The following FNDC3A variants were observed in gnomAD, a reference collection of about 807,000 sequenced individuals.
FNDC3A encodes the protein fibronectin type III domain containing 3A.
FNDC3A carries 32 observed loss-of-function variants against 148.9 expected under a neutral mutation model. The ratio of observed to expected loss-of-function variants is 0.21; its 90% confidence interval spans 0.16 to 0.29. The LOEUF is 0.29. Ranked by LOEUF, FNDC3A falls within the 10% of genes least tolerant of loss-of-function variation. FNDC3A has a pLI of 1.00. For synonymous variants in FNDC3A, 472 were observed against 473.6 expected, an observed-to-expected ratio of 1.00 and a Z score of 0.04; for missense variants, 1,191 against 1,452.8, an observed-to-expected ratio of 0.82 and a Z score of 2.93.
At chr13:49,185,835 C>T in intron 14 of FNDC3A, 129 bp from the exon 15 acceptor site, 1 of 669,316 alleles carries the variant, frequency 1.5e-6, no homozygotes, top group South Asian at 2.0e-5. Flanking sequence ...AAAGAACAAG[C>T]CATTCCAAGC....
At chr13:48,976,440 G>A (rs1015116741) in intron 1 of FNDC3A, among the ~76,000 whole-genome samples, 1 of 152,198 alleles carries the variant, frequency 6.6e-6, no homozygotes, top group African/African-American at 2.4e-5. Context: ...GCCAGGACAC[G>A]CTTGCGGGGG....
rs1181584454 is a variant in FNDC3A at position 49,025,441 on chromosome 13, TTAAC to T, written c.99+19155_99+19158del. Reference sequence around the variant, plus strand: ...AATGTCTGAATAAAATACCTGTTCTTTAACTAGTAAGCATAGTAAGCATTAATTT... The same window carrying T: ...AATGTCTGAATAAAATACCTGTTCTTTAGTAAGCATAGTAAGCATTAATTT... On this transcript the variant is annotated intron_variant, in intron 2 of 25. Transcript: ENST00000492622. Among the ~76,000 whole-genome samples the T allele has an allele frequency of 5.9e-5, 9 of 152,224 alleles. No homozygotes were observed. In the East Asian group the frequency reaches 1.5e-3, roughly 26 times the overall value.
Position 49,152,459 on chromosome 13 carries a change from G to C in FNDC3A, c.977+6524G>C, listed in dbSNP as rs558314464. Among the ~76,000 whole-genome samples, 4 of 151,552 alleles carry C rather than the reference G, an allele frequency of 2.6e-5. No individual in the cohort carries two copies. The South Asian group carries it at 8.4e-4, about 32-fold the overall frequency. Reference sequence around the variant, plus strand: ...ATAAATTTGTTTTAAGTTCTTTGTAGATTCTGGATATTAGCCCTTTGTCAG... The same window carrying C: ...ATAAATTTGTTTTAAGTTCTTTGTACATTCTGGATATTAGCCCTTTGTCAG... On this transcript the variant is annotated intron_variant, in intron 8 of 25. Coordinates refer to ENST00000492622, the MANE Select transcript of FNDC3A (RefSeq NM_001079673.2).
chr13:49,009,643 C>T (rs1952296222), intron 2 of FNDC3A, among the ~76,000 whole-genome samples: 1 of 152,104 alleles, frequency 6.6e-6, no homozygotes, highest in Admixed American at 6.5e-5. Flanking sequence ...ATGTGTGTGC[C>T]CTGTTAGAAC....
intron 1 of FNDC3A, among the ~76,000 whole-genome samples, chr13:48,983,864 T>C (rs1951740069): frequency 1.3e-5 from 2 of 152,024 alleles, no homozygotes; most frequent in African/African-American, 4.8e-5. Flanking sequence ...AGGCAATACA[T>C]TAAGAACAAG....
Position 49,175,518 on chromosome 13 carries a change from T to G in FNDC3A, c.1507T>G (p.Leu503Val), listed in dbSNP as rs772709062. The change falls in exon 13 of 26, where the codon TTA (leucine) becomes GTA (valine). Residue 503 changes from leucine (L) to valine (V), a missense_variant. This residue lies in a region of FNDC3A where 751 missense variants were observed against 944.0 expected (regional missense o/e 0.80). Transcript: ENST00000492622. ...ATCAGATGAAGGAATTTCTTACATT[T>G]TAGAGATGGAGGAAGAAACTTCAGT... ...TPSDEGISYILEMEEETSGYG... is the reference protein window; with the variant it reads ...TPSDEGISYIVEMEEETSGYG... The G allele has an allele frequency of 2.5e-5, 40 of 1,608,528 alleles. No homozygotes were observed. The highest frequency in any genetic ancestry group is 3.2e-5 in the Non-Finnish European group (38 of 1,177,732).
intron 2 of FNDC3A, among the ~76,000 whole-genome samples, chr13:49,042,693 C>G (rs1875031871): frequency 1.3e-5 from 2 of 152,088 alleles, no homozygotes; most frequent in Admixed American, 6.6e-5. Flanking sequence ...GGGAGGATTG[C>G]TTGAGTCAGA....
At chr13:49,037,784 G>C (rs560137459) in intron 2 of FNDC3A, among the ~76,000 whole-genome samples, 3 of 152,300 alleles carry the variant, frequency 2.0e-5, no homozygotes, top group African/African-American at 7.2e-5. Flanking sequence ...ATGGGCAGGT[G>C]CAGGAGCCAG....
At chr13:49,096,400 A>C (rs1180249752) in intron 3 of FNDC3A, among the ~76,000 whole-genome samples, 1 of 152,144 alleles carries the variant, frequency 6.6e-6, no homozygotes, top group Non-Finnish European at 1.5e-5. Flanking sequence ...TCCAGTTTCC[A>C]TTCTTTATGG....
At chr13:49,170,606 T>C (rs1307433766) in intron 10 of FNDC3A, among the ~76,000 whole-genome samples, 1 of 152,174 alleles carries the variant, frequency 6.6e-6, no homozygotes, top group Non-Finnish European at 1.5e-5. Context: ...GGAACACTGA[T>C]TTTTGTGGGC....
At chr13:49,168,869 A>G (rs2138047626) in intron 10 of FNDC3A, 118 bp downstream of exon 10, 2 of 898,266 alleles carry the variant, frequency 2.2e-6, no homozygotes, top group East Asian at 2.4e-5. Context: ...TGCTTTTTAC[A>G]TATAAGACAC....
intron 14 of FNDC3A, 40 bp downstream of exon 14, chr13:49,178,694 C>T (rs1453891570): frequency 8.9e-7 from 1 of 1,121,966 alleles, no homozygotes. Context: ...TTCCTTGTTC[C>T]TATTCTTACT....
rs112801601 is a variant in FNDC3A, at chr13:49,099,087, A to G, written c.176-15568A>G. ...GGGGACCTTATATCCCAATTTGTCT[A>G]AGACAGTTCTGGTTTTTGCCTCATC... On this transcript the variant is annotated intron_variant, in intron 3 of 25. Coordinates refer to ENST00000492622, the MANE Select transcript of FNDC3A (RefSeq NM_001079673.2). Among the ~76,000 whole-genome samples the G allele has an allele frequency of 5.9e-3, 894 of 152,284 alleles. 7 individuals are homozygous for G. Among genetic ancestry groups the G allele is most frequent in the African/African-American group, 0.02 (851 of 41,568 alleles).
chr13:49,107,158 A>G (rs1050025028), intron 3 of FNDC3A, among the ~76,000 whole-genome samples: 7 of 152,228 alleles, frequency 4.6e-5, no homozygotes, highest in African/African-American at 1.7e-4. Flanking sequence ...TTTTGTATGT[A>G]TCAAATATTG....
intron 2 of FNDC3A, among the ~76,000 whole-genome samples, chr13:49,014,496 T>C (rs1342984576): frequency 7.5e-6 from 1 of 133,496 alleles, no homozygotes; most frequent in African/African-American, 2.8e-5. Context: ...TTCTGGATAT[T>C]AGCCCTTTGT....
At chr13:49,080,648 T>C (rs907785165) in intron 3 of FNDC3A, among the ~76,000 whole-genome samples, 5 of 152,126 alleles carry the variant, frequency 3.3e-5, no homozygotes, top group Non-Finnish European at 7.4e-5. Context: ...AATGGGGAGA[T>C]TTTAGGTTTT....
At chr13:49,067,455 TATCC>T (rs1666639609) in intron 2 of FNDC3A, among the ~76,000 whole-genome samples, 1 of 152,224 alleles carries the variant, frequency 6.6e-6, no homozygotes, top group Admixed American at 6.5e-5. Flanking sequence ...GGAATCATTG[TATCC>T]ATAGGGTAAG....
intron 2 of FNDC3A, among the ~76,000 whole-genome samples, chr13:49,053,416 A>T (rs1205524924): frequency 1.3e-5 from 2 of 152,238 alleles, no homozygotes; most frequent in Non-Finnish European, 2.9e-5. Flanking sequence ...TTAGGGTTAC[A>T]GATCATGACT....
chr13:49,073,672 T>C (rs1036512660), intron 2 of FNDC3A, among the ~76,000 whole-genome samples: 23 of 147,614 alleles, frequency 1.6e-4, no homozygotes, highest in African/African-American at 2.2e-4. Context: ...TATATATATA[T>C]ACACACATAT....
Sources: allele counts gnomAD v4.1 joint callset (sites outside exome capture counted in the v4.1 genomes callset), GRCh38; gene constraint gnomAD v4.1.1; regional missense constraint gnomAD v4.1.1; transcripts MANE v1.5; gene names NCBI Gene and HGNC (gene_info 2026-07-23, HGNC 2026-07-21).